The following DNAH10 variants were observed in gnomAD, a reference collection of about 807,000 sequenced individuals.
The protein encoded by DNAH10 is axonemal beta dynein heavy chain 10.
In DNAH10, 348 loss-of-function variants were observed where a neutral mutation model predicts 506.6. The ratio of observed to expected loss-of-function variants is 0.69; its 90% CI spans 0.63 to 0.75. The LOEUF is 0.75. Among genes scored for constraint, DNAH10 ranks in the 30% least tolerant of loss-of-function variants. The pLI is 0.00. For synonymous variants in DNAH10, 2,059 were observed against 2,198.6 expected (o/e 0.94, Z 1.78); for missense variants, 5,179 against 5,787.1 (o/e 0.89, Z 3.41).
intron 30 of DNAH10, among the ~76,000 whole-genome samples, chr12:123,843,330 T>A (rs372692051): frequency 6.6e-6 from 1 of 152,162 alleles, no homozygotes; most frequent in Non-Finnish European, 1.5e-5. Flanking sequence ...TCATTTAATC[T>A]TCTCTGATCC....
At chr12:123,878,633 A>G (rs973454495) in intron 48 of DNAH10, among the ~76,000 whole-genome samples, 1 of 152,214 alleles carries the variant, frequency 6.6e-6, no homozygotes. Flanking sequence ...ACAGTGGCTA[A>G]TGCCTATAGT....
At position 123,929,772 on chromosome 12, in the gene DNAH10, G is replaced by A. The variant is rs201991760; in HGVS notation, c.12612+13G>A. The A allele has an allele frequency of 1.4e-5, 23 of 1,605,132 alleles. No individual in the cohort carries two copies. Among genetic ancestry groups the A allele is most frequent in the African/African-American group, 8.0e-5 (6 of 74,838 alleles). ...CCTAATTGGAGAGGTAGGGGTGACC[G>A]GGGATCCTTCCGCAGGTGCCTCTGG... is the stretch of plus-strand genomic sequence containing the variant. On this transcript the variant is annotated intron_variant, in intron 72 of 78. Coordinates refer to ENST00000673944, the MANE Select transcript of DNAH10 (RefSeq NM_001372106.1).
rs774223098 is a variant in DNAH10, at chr12:123,924,291, G to A, written c.11625G>A (p.Leu3875=). 1.9e-6 allele frequency: 3 copies of A among 1,609,488 alleles called. No homozygotes were observed. The highest frequency in any genetic ancestry group is 2.5e-6 in the Non-Finnish European group (3 of 1,176,850). Residue 3875 remains leucine, a synonymous_variant, in exon 67 of 79, where the codon CTG becomes CTA. Coordinates refer to ENST00000673944, the MANE Select transcript of DNAH10 (RefSeq NM_001372106.1). ...LDFFLKGNIS[L]EKSKRKKPCA... is the part of the protein sequence containing the mutation. ...TGTTGTGATTAGGAAACATTTCCCT[G>A]GAGAAAAGCAAAAGAAAAAAGCCCT... is the stretch of plus-strand genomic sequence containing the variant.
At position 123,913,222 on chromosome 12, in the gene DNAH10, A is replaced by C. The variant is rs1173707931; in HGVS notation, c.10259A>C (p.Glu3420Ala). 4.3e-6 allele frequency: 7 copies of C among 1,610,142 alleles called. No individual in the cohort carries two copies. The highest frequency in any genetic ancestry group is 5.9e-6 in the Non-Finnish European group (7 of 1,178,540). The change falls in exon 60 of 79, where the codon GAA becomes GCA. Residue 3420 changes from glutamate (E) to alanine (A), a missense_variant. Coordinates refer to ENST00000673944, the MANE Select transcript of DNAH10 (RefSeq NM_001372106.1). This position sits in a 1 kb window ranked among gnomAD's most constrained non-coding sequence, Gnocchi z 5.1. The part of the protein sequence containing the change: ...LGAKYEAAIL[E>A]KQKLQEEAEI... ...GCCAAATATGAGGCCGCCATACTGG[A>C]AAAGCAGAAGCTGCAGGAAGAAGCC...
rs752864606 is a variant in DNAH10 at position 123,928,355 on chromosome 12, A to G, written c.12106-32A>G. 5.9e-5 allele frequency: 92 copies of G among 1,554,902 alleles called. No homozygotes were observed. Among genetic ancestry groups the G allele is most frequent in the Non-Finnish European group, 7.3e-5 (84 of 1,150,630 alleles). On this transcript the variant is annotated intron_variant, in intron 69 of 78. Transcript: ENST00000673944. The surrounding 1 kb of genome is among the most constrained non-coding windows in gnomAD (Gnocchi z 4.9). ...AGCACGGGGTTGGGTTTGGATGCCA[A>G]CCCCTCTCCTCTTCCCTCTCCCCCG...
intron 25 of DNAH10, 89 bp downstream of exon 25, chr12:123,826,987 A>T (rs751922158): frequency 2.3e-5 from 28 of 1,195,640 alleles, no homozygotes; most frequent in Non-Finnish European, 3.1e-5. Context: ...CTTTGGTCTG[A>T]TGATGAAGCA....
chr12:123,934,345 C>G (rs535499967), intron 77 of DNAH10: 3 of 667,704 alleles, frequency 4.5e-6, no homozygotes, highest in East Asian at 5.4e-5. Flanking sequence ...GGCCTTGATG[C>G]CCCAGGAATG....
At chr12:123,805,482 T>C (rs1397811901) in intron 18 of DNAH10, among the ~76,000 whole-genome samples, 1 of 152,242 alleles carries the variant, frequency 6.6e-6, no homozygotes, top group Non-Finnish European at 1.5e-5. Context: ...CGCCAGACTC[T>C]GTCCCTTCCC....
intron 53 of DNAH10, among the ~76,000 whole-genome samples, chr12:123,894,314 T>A (rs1386724410): frequency 6.6e-6 from 1 of 151,856 alleles, no homozygotes; most frequent in African/African-American, 2.4e-5. Flanking sequence ...TGGAGTGCAG[T>A]GGTGTGATCT....
At chr12:123,774,461 A>G (rs145450701) in intron 5 of DNAH10, among the ~76,000 whole-genome samples, 197 bp downstream of exon 5, 2,027 of 151,962 alleles carry the variant, frequency 0.013, 41 homozygotes, top group African/African-American at 0.047. Flanking sequence ...CAGAAATATA[A>G]AGGTGTGAAG....
intron 27 of DNAH10, among the ~76,000 whole-genome samples, chr12:123,835,057 C>T (rs1176978654): frequency 1.3e-5 from 2 of 152,198 alleles, no homozygotes; most frequent in East Asian, 3.8e-4. Flanking sequence ...TTGCTGGGCA[C>T]ATGGTACTTG....
At chr12:123,894,760 A>G in intron 54 of DNAH10, 37 bp downstream of exon 54, 1 of 1,553,516 alleles carries the variant, frequency 6.4e-7, no homozygotes, top group Non-Finnish European at 8.9e-7. Context: ...CATTATTGAT[A>G]AAACAAAGCA....
Position 123,896,148 on chromosome 12 carries a change from C to CACACACACACACAGAG in DNAH10, c.9280+1426_9280+1427insCACACACACACAGAGA, listed in dbSNP as rs1383690518. ...ACACACACACACACACACACACACA[C>CACACACACACACAGAG]AGAGAGAGAGAGAGAGAGAGAGAGA... On this transcript the variant is annotated intron_variant, in intron 54 of 78. Coordinates refer to ENST00000673944, the MANE Select transcript of DNAH10 (RefSeq NM_001372106.1). 2.2e-3 allele frequency among the ~76,000 whole-genome samples: 210 copies of CACACACACACACAGAG among 95,284 alleles called. 7 individuals carry two copies. Among genetic ancestry groups the CACACACACACACAGAG allele is most frequent in the Non-Finnish European group, 2.0e-3 (104 of 51,314 alleles). 62.5% of individuals were successfully genotyped at this position (95,284 alleles called of 152,430 possible).
At chr12:123,861,295 T>A in intron 39 of DNAH10, 125 bp downstream of exon 39, 1 of 1,246,660 alleles carries the variant, frequency 8.0e-7, no homozygotes, top group Non-Finnish European at 1.1e-6. Context: ...TAGAGTCCAG[T>A]CTTGGAGGCT....
intron 54 of DNAH10, among the ~76,000 whole-genome samples, chr12:123,896,482 C>G (rs118162866): frequency 3.3e-5 from 5 of 152,080 alleles, no homozygotes; most frequent in African/African-American, 1.2e-4. Flanking sequence ...ATTCTTTCAG[C>G]GGGTGTATAG....
intron 19 of DNAH10, among the ~76,000 whole-genome samples, chr12:123,811,595 G>A (rs575332586): frequency 5.5e-4 from 83 of 152,234 alleles, no homozygotes; most frequent in African/African-American, 2.0e-3. Flanking sequence ...CCGCCTTCCG[G>A]GTTCATGCCA....
chr12:123,821,362 G>A (rs114474919), intron 24 of DNAH10, among the ~76,000 whole-genome samples: 2,624 of 152,242 alleles, frequency 0.017, 79 homozygotes, highest in African/African-American at 0.059. Context: ...ACAAAGTCTC[G>A]CTCTAACACC....
chr12:123,836,446 AGATT>A (rs1961136788), intron 28 of DNAH10, among the ~76,000 whole-genome samples: 1 of 152,198 alleles, frequency 6.6e-6, no homozygotes, highest in Non-Finnish European at 1.5e-5. Flanking sequence ...GTCTTAAGAT[AGATT>A]GTTAGAAAGC....
At chr12:123,875,177 T>G in intron 46 of DNAH10, 54 bp from the exon 47 acceptor site, 1 of 1,546,512 alleles carries the variant, frequency 6.5e-7, no homozygotes, top group Non-Finnish European at 8.7e-7. Context: ...AACGCCTCTC[T>G]GACTCCTACT....
Sources: gnomAD v4.1 joint callset for allele counts (sites outside exome capture counted in the v4.1 genomes callset) on GRCh38, gnomAD v4.1.1 for gene constraint, Gnocchi (gnomAD v3.1) non-coding constraint, MANE v1.5 for transcripts, NCBI Gene and HGNC (gene_info 2026-07-23, HGNC 2026-07-21) for gene names.